RUNDC3B: variants seen among roughly 807,000 people sequenced by gnomAD.
RUNDC3B encodes RUN domain-containing protein 3B.
RUNDC3B carries 33 observed loss-of-function variants against 58.4 expected under a neutral mutation model. That is an observed-to-expected ratio of 0.56 (90% CI 0.43 to 0.75). RUNDC3B has a LOEUF of 0.75. Among genes scored for constraint, RUNDC3B ranks in the 30% least tolerant of loss-of-function variants. The pLI is 0.00. For synonymous variants in RUNDC3B, 193 were observed against 195.2 expected (o/e 0.99, Z 0.10); for missense variants, 501 against 535.7 (o/e 0.94, Z 0.64).
At chr7:87,667,236 C>G (rs1428861423) in intron 2 of RUNDC3B, among the ~76,000 whole-genome samples, 1 of 151,872 alleles carries the variant, frequency 6.6e-6, no homozygotes, top group Non-Finnish European at 1.5e-5. Context: ...GAAGTTTATT[C>G]TTTTTCTGGC....
intron 1 of RUNDC3B, among the ~76,000 whole-genome samples, chr7:87,641,637 C>T (rs540350152): frequency 3.2e-4 from 49 of 152,272 alleles, no homozygotes; most frequent in Non-Finnish European, 4.9e-4. Context: ...GCTCTTCTTC[C>T]CTGCCTTCCT....
rs116361685 is a variant in RUNDC3B, at chr7:87,776,772, A to G, written c.799-1026A>G. On this transcript the variant is annotated intron_variant, in intron 7 of 10. Coordinates refer to ENST00000394654, the MANE Select transcript of RUNDC3B (RefSeq NM_001134405.2). The stretch of plus-strand genomic sequence containing the variant: ...CATTTGAGAATTATCAGAAAAAAAT[A>G]TAAAAAATAAGTTCTTGAAGAATAG... Among the ~76,000 whole-genome samples, 558 of 152,198 alleles carry G rather than the reference A, an allele frequency of 3.7e-3. 3 individuals are homozygous for G. Among genetic ancestry groups the G allele is most frequent in the African/African-American group, 0.013 (533 of 41,560 alleles).
At chr7:87,629,688 G>A (rs1821002524) in intron 1 of RUNDC3B, among the ~76,000 whole-genome samples, 1 of 152,240 alleles carries the variant, frequency 6.6e-6, no homozygotes, top group Non-Finnish European at 1.5e-5. Flanking sequence ...AGCACTTTGG[G>A]AGGCTGAGGC....
chr7:87,773,653 CTTGTCTTGTT>C (rs1323937623), intron 7 of RUNDC3B, among the ~76,000 whole-genome samples: 11 of 133,434 alleles, frequency 8.2e-5, no homozygotes, highest in African/African-American at 2.9e-4. Context: ...TTGTTTTTGT[CTTGTCTTGTT>C]TTGTTTTGTT....
At chr7:87,775,161 C>G (rs1211509072) in intron 7 of RUNDC3B, among the ~76,000 whole-genome samples, 1 of 152,102 alleles carries the variant, frequency 6.6e-6, no homozygotes, top group African/African-American at 2.4e-5. Context: ...ATGACAGCTC[C>G]ATGTGTTAAT....
intron 4 of RUNDC3B, among the ~76,000 whole-genome samples, chr7:87,726,807 CT>C (rs1195286135): frequency 1.3e-5 from 2 of 152,130 alleles, no homozygotes; most frequent in Non-Finnish European, 2.9e-5. Context: ...CTTCACATCC[CT>C]TGTAAGTTGG....
At chr7:87,815,728 T>C (rs1836992856) in intron 9 of RUNDC3B, among the ~76,000 whole-genome samples, 1 of 152,140 alleles carries the variant, frequency 6.6e-6, no homozygotes, top group African/African-American at 2.4e-5. Flanking sequence ...TGTAATAATG[T>C]CCAGGCACTG....
At chr7:87,730,049 G>A (rs1167515067) in intron 4 of RUNDC3B, among the ~76,000 whole-genome samples, 1 of 152,160 alleles carries the variant, frequency 6.6e-6, no homozygotes, top group Non-Finnish European at 1.5e-5. Context: ...AGACTTAAGA[G>A]CCCTTGGGCC....
intron 8 of RUNDC3B, among the ~76,000 whole-genome samples, chr7:87,788,808 C>A (rs1835370430): frequency 6.8e-6 from 1 of 146,822 alleles, no homozygotes; most frequent in African/African-American, 2.5e-5. Flanking sequence ...TGTGCCTTTT[C>A]AAAACTTATT....
At chr7:87,726,408 G>A (rs1467836640) in intron 4 of RUNDC3B, among the ~76,000 whole-genome samples, 1 of 152,144 alleles carries the variant, frequency 6.6e-6, no homozygotes, top group Non-Finnish European at 1.5e-5. Flanking sequence ...TTGTAGATAT[G>A]CGGCATTATT....
At chr7:87,698,168 C>T (rs1372463294) in intron 2 of RUNDC3B, among the ~76,000 whole-genome samples, 4 of 152,134 alleles carry the variant, frequency 2.6e-5, no homozygotes, top group African/African-American at 7.2e-5. Flanking sequence ...GGCACGATCT[C>T]GGCTCACTGC....
At position 87,829,922 on chromosome 7, in the gene RUNDC3B, A is replaced by C. The variant is rs549065804; in HGVS notation, c.1263A>C (p.Gly421=). 1 of 1,608,174 alleles carries C rather than the reference A, an allele frequency of 6.2e-7. No individual in the cohort carries two copies. Among genetic ancestry groups the C allele is most frequent in the Non-Finnish European group, 8.5e-7 (1 of 1,176,346 alleles). Reference sequence around the variant, plus strand: ...CTCCCTCATTACTTGGCCTCTGTGGATCTCTAACGTCAGTGGCAAGTTACA... The same window carrying C: ...CTCCCTCATTACTTGGCCTCTGTGGCTCTCTAACGTCAGTGGCAAGTTACA... ...EDTPSLLGLC[G]SLTSVASYKS... is the part of the protein sequence containing the mutation. Residue 421 remains glycine (G), a synonymous_variant, in exon 11 of 11, where the codon GGA becomes GGC. Transcript: ENST00000394654.
In RUNDC3B at chr7:87,628,938, G is replaced by A; in HGVS notation, c.115G>A (p.Val39Met). The A allele has an allele frequency of 7.6e-7, 1 of 1,310,060 alleles. No individual in the cohort carries two copies. Among genetic ancestry groups the A allele is most frequent in the Non-Finnish European group, 9.8e-7 (1 of 1,020,514 alleles). The allele number at this position is 1,310,060 out of a possible 1,614,324, so 81.2% of individuals were successfully genotyped here. A position where few individuals can be genotyped will look rare whatever the true frequency, so the allele number is the denominator to read the frequency against. The change falls in exon 1 of 11, where the codon GTG becomes ATG. Residue 39 changes from valine to methionine, a missense_variant. Transcript: ENST00000394654. ...AAVERRNLIT[V>M]CRFSVKTLID... ...GGTGGAGAGGAGGAACCTGATCACC[G>A]TGTGCAGGTACGGCAGCGCAGGGCG... is the stretch of plus-strand genomic sequence containing the variant.
At chr7:87,781,085 T>C (rs1034195551) in intron 8 of RUNDC3B, among the ~76,000 whole-genome samples, 3 of 152,172 alleles carry the variant, frequency 2.0e-5, no homozygotes, top group Admixed American at 2.0e-4. Flanking sequence ...GGCAGTATGG[T>C]CATTTTCACA....
rs1012143411 is a variant in RUNDC3B at position 87,680,775 on chromosome 7, A to G, written c.239-19646A>G. On this transcript the variant is annotated intron_variant, in intron 2 of 10. Transcript: ENST00000394654. ...GCGCCATTGCACTCCAGCTTGGGCAAGGAGTGAAACTCCATCTCAAAAAAA... is the reference window on the plus strand; with the variant it reads ...GCGCCATTGCACTCCAGCTTGGGCAGGGAGTGAAACTCCATCTCAAAAAAA... 1.3e-5 allele frequency among the ~76,000 whole-genome samples: 2 copies of G among 150,238 alleles called. 1 individual carries two copies. Among genetic ancestry groups the G allele is most frequent in the African/African-American group, 5.0e-5 (2 of 40,374 alleles).
At chr7:87,650,410 T>C (rs889176539) in intron 1 of RUNDC3B, among the ~76,000 whole-genome samples, 1 of 151,954 alleles carries the variant, frequency 6.6e-6, no homozygotes, top group African/African-American at 2.4e-5. Flanking sequence ...CCATTCCTCA[T>C]AGATGACACC....
chr7:87,754,094 A>G lies in RUNDC3B; in HGVS notation c.629+12515A>G, dbSNP rs73393807. Among the ~76,000 whole-genome samples, 452 of 151,528 alleles carry G rather than the reference A, an allele frequency of 3.0e-3. 1 individual carries two copies. Among genetic ancestry groups the G allele is most frequent in the African/African-American group, 0.01 (426 of 41,490 alleles). The stretch of plus-strand genomic sequence containing the variant: ...GCTTGTGCTGAAAAGGGCTTTGTGC[A>G]GTACTGATACTGAACTTTCCACCTC... On this transcript the variant is annotated intron_variant, in intron 6 of 10. Transcript: ENST00000394654.
At chr7:87,764,953 A>G (rs1298169940) in intron 6 of RUNDC3B, among the ~76,000 whole-genome samples, 1 of 151,198 alleles carries the variant, frequency 6.6e-6, no homozygotes, top group Non-Finnish European at 1.5e-5. Flanking sequence ...TTGTTGGGAG[A>G]TTTTTTTTAA....
intron 4 of RUNDC3B, among the ~76,000 whole-genome samples, chr7:87,729,761 T>C (rs1162368589): frequency 6.6e-6 from 1 of 152,182 alleles, no homozygotes; most frequent in Non-Finnish European, 1.5e-5. Context: ...AAGAGAGTGC[T>C]TGCATCATCG....
Sources: allele counts gnomAD v4.1 joint callset (sites outside exome capture counted in the v4.1 genomes callset), GRCh38; gene constraint gnomAD v4.1.1; transcripts MANE v1.5; gene names NCBI Gene and HGNC (gene_info 2026-07-23, HGNC 2026-07-21).